Variants in TRPM6 observed in about 807,000 individuals in gnomAD.
The protein encoded by TRPM6 is channel kinase 2.
TRPM6 carries 111 observed loss-of-function variants against 247.6 expected under a neutral mutation model. That is an observed-to-expected ratio of 0.45 (90% confidence interval 0.38 to 0.52). The LOEUF (loss-of-function observed/expected upper bound fraction) is 0.52, where lower values mean the gene tolerates loss of function less well. TRPM6 is among the 20% of genes least tolerant of loss of function. TRPM6 has a pLI of 0.00. For synonymous variants in TRPM6, 892 were observed against 853.8 expected, an observed-to-expected ratio of 1.04 and a Z score of -0.78; for missense variants, 2,126 against 2,421.5, an observed-to-expected ratio of 0.88 and a Z score of 2.56.
chr9:74,832,518 T>C, intron 6 of TRPM6, among the ~76,000 whole-genome samples: 1 of 152,188 alleles, frequency 6.6e-6, no homozygotes, highest in Non-Finnish European at 1.5e-5. Flanking sequence ...TCATTGTGAT[T>C]ATATATTTTC....
rs889781720 is a variant in TRPM6 at position 74,762,891 on chromosome 9, C to T, written c.3780G>A (p.Glu1260=). The T allele has an allele frequency of 6.8e-6, 11 of 1,611,944 alleles. No individual in the cohort carries two copies. The highest frequency in any genetic ancestry group is 9.3e-6 in the Non-Finnish European group (11 of 1,178,678). ...CAGCGATCTCCATGCTGCCTAGAAC[C>T]TCTGCACAGATGACATTGCTCCAGC... ...PHSWSNVICA[E]VLGSMEIAGE... is the part of the protein sequence containing the mutation. The change falls in exon 26 of 39, where the codon GAG becomes GAA. Residue 1260 remains glutamate, a synonymous_variant. Coordinates refer to ENST00000360774, the MANE Select transcript of TRPM6 (RefSeq NM_017662.5).
intron 20 of TRPM6, among the ~76,000 whole-genome samples, chr9:74,787,872 T>A (rs189231034): frequency 6.6e-6 from 1 of 152,208 alleles, no homozygotes; most frequent in Non-Finnish European, 1.5e-5. Flanking sequence ...CATGCCACCA[T>A]GCCCGGCTAA....
At chr9:74,863,025 TGTTTTGTTTTGTTTTTTGTTTG>T (rs570952160) in intron 1 of TRPM6, among the ~76,000 whole-genome samples, 80 of 151,454 alleles carry the variant, frequency 5.3e-4, no homozygotes, top group African/African-American at 1.9e-3. Context: ...AAAGTTTTTT[TGTTTTGTTTTGTTTTTTGTTTG>T]GTTTTGTTTT....
At chr9:74,766,597 C>G (rs541344150) in intron 25 of TRPM6, among the ~76,000 whole-genome samples, 2 of 152,076 alleles carry the variant, frequency 1.3e-5, no homozygotes, top group Non-Finnish European at 2.9e-5. Context: ...GTAGGAATTA[C>G]TATTATCCTT....
rs373007170 is a variant in TRPM6 at position 74,814,716 on chromosome 9, T to C, written c.1308+1953A>G. On this transcript the variant is annotated intron_variant, in intron 11 of 38. Coordinates refer to ENST00000360774, the MANE Select transcript of TRPM6 (RefSeq NM_017662.5). ...CTATAATCCCAGCACTTTGGGAGGC[T>C]GAGGCAGGTGGATTGCTTGAGCCTA... 5.8e-4 allele frequency among the ~76,000 whole-genome samples: 88 copies of C among 152,298 alleles called. 3 individuals carry two copies. In the South Asian group the frequency reaches 0.018, roughly 30 times the overall value.
chr9:74,852,484 C>A (rs1049269153), intron 3 of TRPM6, among the ~76,000 whole-genome samples: 1 of 142,200 alleles, frequency 7.0e-6, no homozygotes, highest in African/African-American at 3.0e-5. Context: ...TCTCCCTCTC[C>A]GTCTCCGTCT....
At chr9:74,772,549 A>G (rs1339088909) in intron 24 of TRPM6, among the ~76,000 whole-genome samples, 1 of 152,242 alleles carries the variant, frequency 6.6e-6, no homozygotes. Flanking sequence ...TGATACATTC[A>G]TATAATCACA....
At chr9:74,830,486 C>G (rs1303073674) in intron 6 of TRPM6, among the ~76,000 whole-genome samples, 1 of 152,114 alleles carries the variant, frequency 6.6e-6, no homozygotes, top group Non-Finnish European at 1.5e-5. Flanking sequence ...ACCTCTGCCT[C>G]CCGGGCTCGA....
At chr9:74,867,402 T>G (rs1040428829) in intron 1 of TRPM6, among the ~76,000 whole-genome samples, 1 of 151,854 alleles carries the variant, frequency 6.6e-6, no homozygotes, top group East Asian at 1.9e-4. Flanking sequence ...GACACTAGAG[T>G]GGAGTCTGTG....
At chr9:74,778,615 G>A (rs923724038) in intron 23 of TRPM6, among the ~76,000 whole-genome samples, 7 of 152,204 alleles carry the variant, frequency 4.6e-5, no homozygotes, top group Non-Finnish European at 5.9e-5. Context: ...CCGTTTGCAG[G>A]AGATCTGCAG....
intron 18 of TRPM6, among the ~76,000 whole-genome samples, chr9:74,794,154 T>C (rs1828007867): frequency 6.6e-6 from 1 of 151,322 alleles, no homozygotes; most frequent in Non-Finnish European, 1.5e-5. Context: ...GTGGTTTTAG[T>C]TTTTTAATAG....
chr9:74,802,287 A>G (rs1306961553), intron 15 of TRPM6, 112 bp from the exon 16 acceptor site: 1 of 941,558 alleles, frequency 1.1e-6, no homozygotes, highest in Non-Finnish European at 1.6e-6. Flanking sequence ...ACTAAAAAAG[A>G]GATGGAAATA....
At chr9:74,868,655 G>A (rs553117645) in intron 1 of TRPM6, among the ~76,000 whole-genome samples, 65 of 152,306 alleles carry the variant, frequency 4.3e-4, no homozygotes, top group Admixed American at 1.4e-3. Context: ...CCTTCTGCCT[G>A]TAGATACTTG....
intron 20 of TRPM6, among the ~76,000 whole-genome samples, chr9:74,787,668 A>G (rs1242653228): frequency 6.6e-6 from 1 of 152,236 alleles, no homozygotes; most frequent in Non-Finnish European, 1.5e-5. Context: ...CTGAGTCACA[A>G]ATATTTATGA....
At chr9:74,774,779 A>C (rs2118893395) in intron 24 of TRPM6, among the ~76,000 whole-genome samples, 1 of 152,382 alleles carries the variant, frequency 6.6e-6, no homozygotes, top group African/African-American at 2.4e-5. Context: ...CCCTAAAATC[A>C]AACATATTGC....
chr9:74,873,988 C>A (rs965630216), intron 1 of TRPM6, among the ~76,000 whole-genome samples: 3 of 152,018 alleles, frequency 2.0e-5, no homozygotes, highest in African/African-American at 7.2e-5. Flanking sequence ...GTAATGCTAG[C>A]ACGTTGGGAG....
intron 8 of TRPM6, among the ~76,000 whole-genome samples, chr9:74,821,198 C>G (rs908567596): frequency 2.0e-5 from 3 of 152,126 alleles, no homozygotes; most frequent in Middle Eastern, 3.2e-3. Context: ...AAATTATCTT[C>G]TTATTTGAGA....
chr9:74,874,736 T>C (rs1418482365), intron 1 of TRPM6, among the ~76,000 whole-genome samples: 7 of 151,446 alleles, frequency 4.6e-5, no homozygotes, highest in Non-Finnish European at 1.0e-4. Context: ...GTCACTCAAA[T>C]GCTCATAACA....
chr9:74,809,642 A>T (rs1214830498), intron 13 of TRPM6, among the ~76,000 whole-genome samples: 1 of 152,166 alleles, frequency 6.6e-6, no homozygotes, highest in African/African-American at 2.4e-5. Flanking sequence ...ATCAATACAA[A>T]CTAAATTTAC....
Sources: allele counts gnomAD v4.1 joint callset (sites outside exome capture counted in the v4.1 genomes callset), GRCh38; gene constraint gnomAD v4.1.1; transcripts MANE v1.5; gene names NCBI Gene and HGNC (gene_info 2026-07-23, HGNC 2026-07-21).